The following RSBN1 variants were observed in gnomAD, a reference collection of about 807,000 sequenced individuals.
The protein encoded by RSBN1 is round spermatid basic protein 1, also known as lysine-specific demethylase 9.
A neutral mutation model predicts 74.8 loss-of-function variants in RSBN1; 23 were observed. That is an observed-to-expected ratio of 0.31 (90% confidence interval 0.22 to 0.44). RSBN1 has a LOEUF of 0.44. Ranked by LOEUF, RSBN1 falls within the 20% of genes least tolerant of loss-of-function variation. The pLI is 1.00. For missense variants in RSBN1, 808 were observed against 1,020.9 expected (o/e 0.79, Z 2.84); for synonymous variants, 407 against 379.6 (o/e 1.07, Z -0.84).
intron 1 of RSBN1, among the ~76,000 whole-genome samples, chr1:113,806,826 C>A (rs1422078620): frequency 1.5e-5 from 2 of 133,952 alleles, no homozygotes; most frequent in East Asian, 2.0e-4. Flanking sequence ...CACAGAGAGA[C>A]CCTGCCTCTA....
intron 1 of RSBN1, among the ~76,000 whole-genome samples, chr1:113,804,947 A>G (rs953145481): frequency 3.3e-5 from 5 of 151,912 alleles, no homozygotes; most frequent in Admixed American, 2.0e-4. Context: ...GATGACTCAC[A>G]AGAGCATACA....
At chr1:113,785,060 T>C (rs1012354549) in intron 2 of RSBN1, among the ~76,000 whole-genome samples, 3 of 152,176 alleles carry the variant, frequency 2.0e-5, no homozygotes, top group Admixed American at 2.0e-4. Flanking sequence ...TTAAAACACA[T>C]TGTACAGCTA....
At chr1:113,784,038 A>T (rs1660192496) in intron 2 of RSBN1, among the ~76,000 whole-genome samples, 1 of 152,244 alleles carries the variant, frequency 6.6e-6, no homozygotes, top group South Asian at 2.1e-4. Flanking sequence ...ACTAGGGCAC[A>T]CCCAAAATAG....
intron 1 of RSBN1, among the ~76,000 whole-genome samples, chr1:113,807,421 C>T (rs1016769307): frequency 6.6e-6 from 1 of 151,598 alleles, no homozygotes; most frequent in African/African-American, 2.4e-5. Context: ...AAAGAAGCTG[C>T]ACCTGTGATC....
chr1:113,789,106 C>T (rs958858745), intron 2 of RSBN1, among the ~76,000 whole-genome samples: 5 of 151,984 alleles, frequency 3.3e-5, no homozygotes, highest in South Asian at 2.1e-4. Context: ...AGCTTTAGGG[C>T]GGGGCTGGTC....
intron 2 of RSBN1, among the ~76,000 whole-genome samples, chr1:113,779,766 T>TA (rs1660100458): frequency 6.6e-6 from 1 of 152,136 alleles, no homozygotes; most frequent in South Asian, 2.1e-4. Context: ...TGCATGCCTG[T>TA]AATCCCAGCA....
At chr1:113,766,517 T>C (rs1345264223) in intron 6 of RSBN1, 64 bp from the exon 7 acceptor site, 1 of 1,074,846 alleles carries the variant, frequency 9.3e-7, no homozygotes, top group African/African-American at 1.6e-5. Flanking sequence ...AGTGAAATAA[T>C]TAGCAAAGGA....
At position 113,766,177 on chromosome 1, in the gene RSBN1, T is replaced by G. The variant is rs1178292018; in HGVS notation, c.2212A>C (p.Arg738=). 6.2e-7 allele frequency: 1 copy of G among 1,614,012 alleles called. No homozygotes were observed. The highest frequency in any genetic ancestry group is 8.5e-7 in the Non-Finnish European group (1 of 1,179,990). Residue 738 remains arginine (R), a synonymous_variant, in exon 7 of 7, where the codon AGG becomes CGG. Transcript: ENST00000261441. ...RELEVDSQCV[R]IKTESEEACT... is the part of the protein sequence containing the mutation. ...GCTTCTTCAGATTCAGTTTTTATCC[T>G]CACACATTGGGAGTCAACTTCTAAT...
At chr1:113,803,220 G>T (rs1460232681) in intron 1 of RSBN1, among the ~76,000 whole-genome samples, 2 of 152,084 alleles carry the variant, frequency 1.3e-5, no homozygotes, top group Non-Finnish European at 2.9e-5. Context: ...CTACTGTCTG[G>T]ATGTACCACA....
chr1:113,807,313 CA>C (rs767306902), intron 1 of RSBN1, among the ~76,000 whole-genome samples: 113 of 69,998 alleles, frequency 1.6e-3, no homozygotes, highest in Non-Finnish European at 2.0e-3. Flanking sequence ...GAATCCATCT[CA>C]AAAAAAAAAA....
At chr1:113,782,103 T>C (rs1462137812) in intron 2 of RSBN1, among the ~76,000 whole-genome samples, 2 of 152,214 alleles carry the variant, frequency 1.3e-5, no homozygotes, top group African/African-American at 4.8e-5. Flanking sequence ...ATTTGCCACA[T>C]TCTCCACATT....
chr1:113,804,570 A>G (rs1384460524), intron 1 of RSBN1, among the ~76,000 whole-genome samples: 1 of 152,200 alleles, frequency 6.6e-6, no homozygotes, highest in Non-Finnish European at 1.5e-5. Flanking sequence ...TTATCTGGTT[A>G]CAATTAATGG....
At chr1:113,789,764 T>G (rs1177881209) in intron 2 of RSBN1, among the ~76,000 whole-genome samples, 4 of 152,188 alleles carry the variant, frequency 2.6e-5, no homozygotes, top group Non-Finnish European at 5.9e-5. Flanking sequence ...GGCAAAGAAG[T>G]CTTCTGTGTT....
At chr1:113,807,433 A>G (rs1660727718) in intron 1 of RSBN1, among the ~76,000 whole-genome samples, 1 of 152,040 alleles carries the variant, frequency 6.6e-6, no homozygotes, top group Non-Finnish European at 1.5e-5. Context: ...CCTGTGATCT[A>G]CAAAAAATTA....
Position 113,764,247 on chromosome 1 carries a change from A to G in RSBN1, c.*1733T>C, listed in dbSNP as rs1399283713. The stretch of plus-strand genomic sequence containing the variant: ...ATCACATTACCTTTCATACCATTCT[A>G]ATTACCTTATTTACAAAGATAACTA... On this transcript the variant is annotated 3_prime_UTR_variant, in exon 7 of 7. Transcript: ENST00000261441. 2 of 152,768 alleles carry G rather than the reference A, an allele frequency of 1.3e-5. No homozygotes were observed. Among genetic ancestry groups the G allele is most frequent in the Non-Finnish European group, 2.9e-5 (2 of 68,028 alleles). The allele number at this position is 152,768 out of a possible 1,614,324, so 9.5% of individuals were successfully genotyped here.
Position 113,812,156 on chromosome 1 carries a change from T to C in RSBN1, c.257A>G (p.Lys86Arg). 2 of 1,609,526 alleles carry C rather than the reference T, an allele frequency of 1.2e-6. No homozygotes were observed. The highest frequency in any genetic ancestry group is 1.7e-6 in the Non-Finnish European group (2 of 1,179,716). The change falls in exon 1 of 7, where the codon AAA (lysine) becomes AGA (arginine). Residue 86 changes from lysine to arginine, a missense_variant. Lys to Arg is a conservative substitution (Grantham distance 26, BLOSUM62 2). Around this residue, in one of 6 missense-constraint regions of RSBN1, gnomAD observed 464 missense variants for 401.0 expected, o/e 1.16. Transcript: ENST00000261441. ...PHAGVSPRGV[K>R]RQRRSSSGGS... Reference sequence around the variant, plus strand: ...CCCACTGCTAGATCGGCGCTGCCGTTTAACTCCCCGCGGGGAGACCCCAGC... The same window carrying C: ...CCCACTGCTAGATCGGCGCTGCCGTCTAACTCCCCGCGGGGAGACCCCAGC...
chr1:113,811,323 G>A (rs1373938610), intron 1 of RSBN1, among the ~76,000 whole-genome samples: 2 of 152,174 alleles, frequency 1.3e-5, no homozygotes, highest in African/African-American at 4.8e-5. Flanking sequence ...GAGCAAGGGA[G>A]AGCAGATAAC....
chr1:113,797,651 T>C lies in RSBN1; in HGVS notation c.1089A>G (p.Glu363=). 1 of 1,614,038 alleles carries C rather than the reference T, an allele frequency of 6.2e-7. No individual in the cohort carries two copies. Among genetic ancestry groups the C allele is most frequent in the Non-Finnish European group, 8.5e-7 (1 of 1,179,978 alleles). The change falls in exon 2 of 7, where the codon GAA becomes GAG. Residue 363 remains glutamate, a synonymous_variant. Coordinates refer to ENST00000261441, the MANE Select transcript of RSBN1 (RefSeq NM_018364.5). The stretch of plus-strand genomic sequence containing the variant: ...CAAGAGCACCACCATTGGACTGGTG[T>C]TCCTCATGAATAAAGTTGCTAAATT... ...GTKFSNFIHE[E]HQSNGGALVL... is the part of the protein sequence containing the mutation.
chr1:113,811,963 C>T lies in RSBN1; in HGVS notation c.450G>A (p.Ser150=), dbSNP rs376465969. The change falls in exon 1 of 7, where the codon TCG becomes TCA. Residue 150 remains serine (S), a synonymous_variant. Transcript: ENST00000261441. ...PLLLPPPPPP[S]LAPAGPAVAA... Reference sequence around the variant, plus strand: ...CGACAGCGGGCCCGGCGGGTGCCAGCGAAGGTGGCGGCGGAGGCGGCAGGA... The same window carrying T: ...CGACAGCGGGCCCGGCGGGTGCCAGTGAAGGTGGCGGCGGAGGCGGCAGGA... 1.9e-6 allele frequency: 3 copies of T among 1,580,456 alleles called. No homozygotes were observed.
Sources: allele counts gnomAD v4.1 joint callset (sites outside exome capture counted in the v4.1 genomes callset), GRCh38; gene constraint gnomAD v4.1.1; regional missense constraint gnomAD v4.1.1; transcripts MANE v1.5; gene names NCBI Gene and HGNC (gene_info 2026-07-23, HGNC 2026-07-21).